CORIN: variants seen among roughly 807,000 people sequenced by gnomAD.
The protein encoded by CORIN is corin, serine peptidase.
In CORIN, 117 loss-of-function variants were observed where a neutral mutation model predicts 125.3. The ratio of observed to expected loss-of-function variants is 0.93; its 90% CI spans 0.80 to 1.09. The LOEUF (loss-of-function observed/expected upper bound fraction) is 1.09, where lower values mean the gene tolerates loss of function less well. Among genes scored for constraint, CORIN ranks in the 50% least tolerant of loss-of-function variants. The pLI is 0.00. For missense variants in CORIN, 1,253 were observed against 1,306.7 expected, an observed-to-expected ratio of 0.96 and a Z score of 0.63; for synonymous variants, 450 against 466.4, an observed-to-expected ratio of 0.96 and a Z score of 0.45.
At chr4:47,688,437 C>CA (rs1429576367) in intron 6 of CORIN, among the ~76,000 whole-genome samples, 4 of 151,936 alleles carry the variant, frequency 2.6e-5, no homozygotes, top group Non-Finnish European at 5.9e-5. Context: ...CTTGTTTCTA[C>CA]AAAAAATACA....
At chr4:47,708,062 G>A (rs1424393863) in intron 5 of CORIN, among the ~76,000 whole-genome samples, 1 of 152,210 alleles carries the variant, frequency 6.6e-6, no homozygotes, top group Non-Finnish European at 1.5e-5. Context: ...AGGTGGTGGA[G>A]CTACATATCA....
At chr4:47,791,891 G>A (rs1379474021) in intron 2 of CORIN, among the ~76,000 whole-genome samples, 1 of 152,148 alleles carries the variant, frequency 6.6e-6, no homozygotes, top group East Asian at 1.9e-4. Flanking sequence ...TTACTATCAA[G>A]ATGTTTATAG....
intron 16 of CORIN, among the ~76,000 whole-genome samples, chr4:47,635,233 C>T (rs1399422292): frequency 6.6e-5 from 10 of 152,168 alleles, no homozygotes; most frequent in Non-Finnish European, 7.3e-5. Context: ...GAAATGGAGA[C>T]AACAGATTGG....
At chr4:47,793,629 G>A (rs997290281) in intron 2 of CORIN, among the ~76,000 whole-genome samples, 3 of 152,198 alleles carry the variant, frequency 2.0e-5, no homozygotes, top group African/African-American at 7.2e-5. Flanking sequence ...TTCTTACCAT[G>A]AATTGATGTA....
At chr4:47,722,881 G>C (rs995051560) in intron 5 of CORIN, among the ~76,000 whole-genome samples, 1 of 152,152 alleles carries the variant, frequency 6.6e-6, no homozygotes, top group African/African-American at 2.4e-5. Flanking sequence ...GACTAGGAAG[G>C]GAAATAAAAA....
chr4:47,795,872 A>T (rs1327986275), intron 2 of CORIN, among the ~76,000 whole-genome samples: 1 of 152,098 alleles, frequency 6.6e-6, no homozygotes, highest in Non-Finnish European at 1.5e-5. Flanking sequence ...ATGGTGCTCA[A>T]ATCACTAGTC....
intron 3 of CORIN, among the ~76,000 whole-genome samples, chr4:47,765,316 A>ACCC (rs1560538950): frequency 3.3e-5 from 5 of 151,804 alleles, no homozygotes; most frequent in African/African-American, 1.2e-4. Context: ...GTCCCCCAAA[A>ACCC]AAAAAAAAAA....
chr4:47,740,118 A>G (rs1297487150), intron 5 of CORIN, among the ~76,000 whole-genome samples: 1 of 151,962 alleles, frequency 6.6e-6, no homozygotes, highest in East Asian at 1.9e-4. Flanking sequence ...AAAGGCAGAG[A>G]TTTGTCTCAT....
At chr4:47,772,113 A>G (rs146967633) in intron 3 of CORIN, among the ~76,000 whole-genome samples, 68 of 151,332 alleles carry the variant, frequency 4.5e-4, no homozygotes, top group African/African-American at 7.1e-4. Context: ...AGATAGATAG[A>G]TAGGTAGATA....
rs146361343 is a variant in CORIN, at chr4:47,797,548, G to A, written c.208+9355C>T. The stretch of plus-strand genomic sequence containing the variant: ...TCTTGCAGCAACAGCCTGATTCTAG[G>A]GCTATGGGGTTATGGATCATGGGGT... On this transcript the variant is annotated intron_variant, in intron 2 of 21. Coordinates refer to ENST00000273857, the MANE Select transcript of CORIN (RefSeq NM_006587.4). Among the ~76,000 whole-genome samples the A allele has an allele frequency of 4.9e-3, 739 of 152,016 alleles. 4 individuals carry two copies. Among genetic ancestry groups the A allele is most frequent in the Middle Eastern group, 0.017 (5 of 294 alleles).
chr4:47,811,220 A>G (rs1732048486), intron 1 of CORIN, among the ~76,000 whole-genome samples: 1 of 152,168 alleles, frequency 6.6e-6, no homozygotes, highest in South Asian at 2.1e-4. Context: ...ATGAGAAAAA[A>G]CAACGTGAAA....
At chr4:47,641,871 C>A in intron 16 of CORIN, 49 bp downstream of exon 16, 1 of 1,593,762 alleles carries the variant, frequency 6.3e-7, no homozygotes, top group African/African-American at 1.3e-5. Flanking sequence ...TGCCAAGTTC[C>A]ACAAAGCCTT....
intron 13 of CORIN, among the ~76,000 whole-genome samples, chr4:47,650,200 G>A (rs1057056779): frequency 6.6e-6 from 1 of 152,184 alleles, no homozygotes; most frequent in Non-Finnish European, 1.5e-5. Context: ...GATAGGTGAA[G>A]AACTGATTTT....
At chr4:47,788,295 C>A (rs763166584) in intron 2 of CORIN, among the ~76,000 whole-genome samples, 1 of 152,184 alleles carries the variant, frequency 6.6e-6, no homozygotes, top group Non-Finnish European at 1.5e-5. Flanking sequence ...GAAACAATTT[C>A]TCTACATATG....
At chr4:47,763,118 C>G (rs1729544446) in intron 4 of CORIN, among the ~76,000 whole-genome samples, 1 of 152,124 alleles carries the variant, frequency 6.6e-6, no homozygotes, top group Admixed American at 6.6e-5. Flanking sequence ...TGTTGTCTGT[C>G]TTATGCTGGA....
At chr4:47,681,109 C>T (rs1011352283) in intron 7 of CORIN, 1 of 152,132 alleles carries the variant, frequency 6.6e-6, no homozygotes, top group Non-Finnish European at 1.5e-5. Flanking sequence ...TGAATATAAG[C>T]AGTGTTTTAG....
chr4:47,747,039 T>G (rs1457760384), intron 4 of CORIN, among the ~76,000 whole-genome samples: 1 of 152,142 alleles, frequency 6.6e-6, no homozygotes, highest in Non-Finnish European at 1.5e-5. Context: ...CAAGCTAGGC[T>G]TGTCGTTGGT....
At chr4:47,675,795 A>C (rs1724989262) in intron 9 of CORIN, among the ~76,000 whole-genome samples, 1 of 152,040 alleles carries the variant, frequency 6.6e-6, no homozygotes, top group Non-Finnish European at 1.5e-5. Flanking sequence ...CTAGTCTCAA[A>C]CTCCTGGTCT....
In CORIN at chr4:47,650,375, A is replaced by T. The variant is rs192579186; in HGVS notation, c.1843+3178T>A. ...AAAGGATTTTATTTTGACAGTCGAT[A>T]TAAAGCACCTGTTGTAGCTATATTT... On this transcript the variant is annotated intron_variant, in intron 13 of 21. Coordinates refer to ENST00000273857, the MANE Select transcript of CORIN (RefSeq NM_006587.4). Among the ~76,000 whole-genome samples the T allele has an allele frequency of 8.5e-5, 13 of 152,362 alleles. No individual in the cohort carries two copies. In the East Asian group the frequency reaches 2.5e-3, roughly 29 times the overall value.
Sources: gnomAD v4.1 joint callset for allele counts (sites outside exome capture counted in the v4.1 genomes callset) on GRCh38, gnomAD v4.1.1 for gene constraint, MANE v1.5 for transcripts, NCBI Gene and HGNC (gene_info 2026-07-23, HGNC 2026-07-21) for gene names.